SLC17A5: variants seen among roughly 807,000 people sequenced by gnomAD.
SLC17A5 encodes solute carrier family 17 member 5, also known as sialin.
SLC17A5 carries 47 observed loss-of-function variants against 59.4 expected under a neutral mutation model. The ratio of observed to expected loss-of-function variants is 0.79; its 90% CI spans 0.63 to 1.01. The LOEUF is 1.01. Ranked by LOEUF, SLC17A5 falls within the 50% of genes least tolerant of loss-of-function variation. SLC17A5 has a pLI of 0.00. For missense variants in SLC17A5, 522 were observed against 595.5 expected (o/e 0.88, Z 1.28); for synonymous variants, 202 against 210.7 (o/e 0.96, Z 0.36).
intron 4 of SLC17A5, 38 bp downstream of exon 4, chr6:73,638,374 T>C (rs765144080): frequency 6.7e-7 from 1 of 1,484,510 alleles, no homozygotes; most frequent in Non-Finnish European, 9.4e-7. Context: ...GATATATACA[T>C]AACATATTAC....
At chr6:73,624,835 T>C (rs1275816327) in intron 6 of SLC17A5, among the ~76,000 whole-genome samples, 1 of 152,022 alleles carries the variant, frequency 6.6e-6, no homozygotes, top group Non-Finnish European at 1.5e-5. Flanking sequence ...ATCACATCAC[T>C]GCACTCCAGC....
chr6:73,643,898 T>A (rs676952), intron 2 of SLC17A5, among the ~76,000 whole-genome samples: 1 of 151,980 alleles, frequency 6.6e-6, no homozygotes, highest in Admixed American at 6.6e-5. Flanking sequence ...ACACATTTAT[T>A]AATACCACTA....
intron 2 of SLC17A5, 113 bp from the exon 3 acceptor site, chr6:73,642,037 C>A: frequency 6.5e-6 from 6 of 925,542 alleles, no homozygotes; most frequent in South Asian, 4.1e-5. Flanking sequence ...CTATTTTGGA[C>A]TGAAGAACAT....
chr6:73,635,609 T>A, intron 5 of SLC17A5, 109 bp from the exon 6 acceptor site: 1 of 620,940 alleles, frequency 1.6e-6, no homozygotes. Context: ...TTTACATGTC[T>A]TGAAAAAATT....
chr6:73,598,231 T>G (rs1766904597), intron 10 of SLC17A5, among the ~76,000 whole-genome samples: 1 of 152,242 alleles, frequency 6.6e-6, no homozygotes, highest in Non-Finnish European at 1.5e-5. Context: ...GAATACTGTT[T>G]TGTTTATAAC....
At chr6:73,637,208 G>A (rs1423610617) in intron 4 of SLC17A5, among the ~76,000 whole-genome samples, 1 of 152,150 alleles carries the variant, frequency 6.6e-6, no homozygotes, top group African/African-American at 2.4e-5. Flanking sequence ...AACTTCATTT[G>A]GGTAAAGGAA....
At position 73,615,886 on chromosome 6, in the gene SLC17A5, T is replaced by TG. The variant is rs1190551115; in HGVS notation, c.979-440_979-439insC. Among the ~76,000 whole-genome samples the TG allele has an allele frequency of 3.0e-3, 423 of 141,052 alleles. 2 individuals are homozygous for TG. The highest frequency in any genetic ancestry group is 0.022 in the East Asian group (108 of 4,872). 92.5% of individuals were successfully genotyped at this position (141,052 alleles called of 152,430 possible). ...CATAGCTTAATGAATCATTCTTTTT[T>TG]TTTTTTTTTTTTTTTTTGAGATGGA... On this transcript the variant is annotated intron_variant, in intron 7 of 10. Coordinates refer to ENST00000355773, the MANE Select transcript of SLC17A5 (RefSeq NM_012434.5).
At chr6:73,622,014 A>G in intron 6 of SLC17A5, 52 bp from the exon 7 acceptor site, 1 of 1,549,212 alleles carries the variant, frequency 6.5e-7, no homozygotes. Flanking sequence ...TAATGCTTAG[A>G]TCTGTACCGT....
intron 8 of SLC17A5, 132 bp downstream of exon 8, chr6:73,615,183 C>T (rs544433479): frequency 1.4e-5 from 14 of 1,006,900 alleles, no homozygotes; most frequent in South Asian, 2.7e-5. Context: ...GTGATTAGAG[C>T]GAGGTGTTCT....
intron 7 of SLC17A5, 35 bp downstream of exon 7, chr6:73,621,769 A>C: frequency 2.1e-6 from 3 of 1,455,396 alleles, no homozygotes; most frequent in Non-Finnish European, 2.9e-6. Context: ...GTCTTATACT[A>C]TATATATAAG....
chr6:73,606,838 C>A (rs1165490966), intron 9 of SLC17A5, among the ~76,000 whole-genome samples: 2 of 152,200 alleles, frequency 1.3e-5, no homozygotes, highest in African/African-American at 4.8e-5. Flanking sequence ...ATTGTACATC[C>A]AATTCATCTT....
chr6:73,624,218 A>T (rs1329170848), intron 6 of SLC17A5, among the ~76,000 whole-genome samples: 1 of 151,842 alleles, frequency 6.6e-6, no homozygotes, highest in Non-Finnish European at 1.5e-5. Context: ...AACCTGGGCA[A>T]CATGGTGAAA....
chr6:73,632,755 T>G (rs898347743), intron 6 of SLC17A5, among the ~76,000 whole-genome samples: 1 of 151,706 alleles, frequency 6.6e-6, no homozygotes, highest in Non-Finnish European at 1.5e-5. Flanking sequence ...GGAAAGCTTT[T>G]TAAAAAATTT....
chr6:73,626,324 C>T (rs1031430812), intron 6 of SLC17A5, among the ~76,000 whole-genome samples: 3 of 152,154 alleles, frequency 2.0e-5, no homozygotes, highest in African/African-American at 7.2e-5. Flanking sequence ...ATACAAGGCT[C>T]ACAGGGTTAG....
At chr6:73,602,382 G>A (rs1458551624) in intron 9 of SLC17A5, among the ~76,000 whole-genome samples, 8 of 149,776 alleles carry the variant, frequency 5.3e-5, no homozygotes, top group Non-Finnish European at 3.0e-5. Flanking sequence ...CTCCACTATT[G>A]TCCTATGACC....
At chr6:73,602,139 C>T (rs897631778) in intron 9 of SLC17A5, among the ~76,000 whole-genome samples, 35 of 151,206 alleles carry the variant, frequency 2.3e-4, no homozygotes. Flanking sequence ...GTGACCTTAC[C>T]CCCAACCCTG....
At position 73,629,970 on chromosome 6, in the gene SLC17A5, C is replaced by T. The variant is rs569126937; in HGVS notation, c.819+5412G>A. ...ATGGTCCTTCTGAATTTAACTGCAG[C>T]GTGCAATGAAGATTTTTATTTCTCT... On this transcript the variant is annotated intron_variant, in intron 6 of 10. Coordinates refer to ENST00000355773, the MANE Select transcript of SLC17A5 (RefSeq NM_012434.5). 4.0e-5 allele frequency among the ~76,000 whole-genome samples: 6 copies of T among 151,224 alleles called. No individual in the cohort carries two copies. In the East Asian group the frequency reaches 5.8e-4, roughly 15 times the overall value.
At chr6:73,604,876 G>A (rs606793) in intron 9 of SLC17A5, among the ~76,000 whole-genome samples, 16,333 of 152,124 alleles carry the variant, frequency 0.11, 1,043 homozygotes, top group Middle Eastern at 0.18. Flanking sequence ...CCTTGTATCT[G>A]TTTACTGACT....
chr6:73,598,296 T>G (rs1482740342), intron 10 of SLC17A5, among the ~76,000 whole-genome samples: 2 of 152,236 alleles, frequency 1.3e-5, no homozygotes, highest in Non-Finnish European at 2.9e-5. Context: ...TTTATTTATA[T>G]GCTGACTCAT....
Sources: gnomAD v4.1 joint callset for allele counts (sites outside exome capture counted in the v4.1 genomes callset) on GRCh38, gnomAD v4.1.1 for gene constraint, MANE v1.5 for transcripts, NCBI Gene and HGNC (gene_info 2026-07-23, HGNC 2026-07-21) for gene names.